TENM3: variants seen among roughly 807,000 people sequenced by gnomAD.
TENM3 encodes teneurin-3.
In TENM3, 63 loss-of-function variants were observed where a neutral mutation model predicts 255.1. That is an observed-to-expected ratio of 0.25 (90% CI 0.20 to 0.30). TENM3 has a LOEUF of 0.30. TENM3 is among the 10% of genes least tolerant of loss of function. The probability of loss-of-function intolerance (pLI) is 1.00; values close to 1 mark genes in which losing one functional copy is unlikely to be tolerated. For missense variants in TENM3, 2,929 were observed against 3,461.1 expected (o/e 0.85, Z 3.86); for synonymous variants, 1,306 against 1,322.3 (o/e 0.99, Z 0.27).
chr4:182,735,278 T>TTACTG (rs1224032751), intron 16 of TENM3, among the ~76,000 whole-genome samples: 7 of 152,200 alleles, frequency 4.6e-5, no homozygotes, highest in African/African-American at 1.2e-4. Context: ...GAAATGCCTC[T>TTACTG]TACTGTACTG....
At chr4:182,070,944 CT>C in the TENM3 span, among the ~76,000 whole-genome samples, 1 of 152,168 alleles carries the variant, frequency 6.6e-6, no homozygotes, top group Non-Finnish European at 1.5e-5. Context: ...CTTCCAAGGA[CT>C]TGAACTTCAG....
At chr4:181,753,402 G>T in the TENM3 span, among the ~76,000 whole-genome samples, 1 of 152,076 alleles carries the variant, frequency 6.6e-6, no homozygotes, top group African/African-American at 2.4e-5. Context: ...CTCAAAACAG[G>T]CAGGCAGCAG....
At chr4:182,711,465 T>G (rs1758742916) in intron 12 of TENM3, 2 of 227,082 alleles carry the variant, frequency 8.8e-6, no homozygotes, top group Non-Finnish European at 7.3e-6. Context: ...GATGTGAGTC[T>G]TATGTCAGCT....
At chr4:181,809,393 C>T in the TENM3 span, among the ~76,000 whole-genome samples, 5 of 152,126 alleles carry the variant, frequency 3.3e-5, no homozygotes, top group African/African-American at 1.2e-4. Context: ...TTTTTTAGAG[C>T]CAATAAGTGC....
chr4:182,727,455 C>CA (rs10522655), intron 13 of TENM3, among the ~76,000 whole-genome samples: 2 of 119,298 alleles, frequency 1.7e-5, no homozygotes, highest in East Asian at 2.4e-4. Context: ...GACTCAGTCT[C>CA]AAAAAAAAAG....
chr4:182,784,190 T>G (rs913513690), intron 24 of TENM3, among the ~76,000 whole-genome samples: 10 of 152,316 alleles, frequency 6.6e-5, no homozygotes, highest in Non-Finnish European at 1.3e-4. Context: ...TGGTTTTATC[T>G]ACTTTTGGTC....
chr4:181,858,206 C>G, the TENM3 span, among the ~76,000 whole-genome samples: 3 of 152,202 alleles, frequency 2.0e-5, no homozygotes, highest in Non-Finnish European at 4.4e-5. Context: ...CCCACCTCAG[C>G]CTCCTGAATT....
At chr4:181,847,738 G>A in the TENM3 span, among the ~76,000 whole-genome samples, 8 of 151,806 alleles carry the variant, frequency 5.3e-5, no homozygotes, top group South Asian at 2.1e-4. Context: ...ATGTGTGTAC[G>A]TACACATATG....
At chr4:182,667,889 G>A (rs1040139867) in intron 6 of TENM3, among the ~76,000 whole-genome samples, 2 of 151,808 alleles carry the variant, frequency 1.3e-5, no homozygotes, top group African/African-American at 4.9e-5. Context: ...TATGGCGCAT[G>A]TATACATATG....
chr4:182,383,588 T>C (rs563723228), intron 3 of TENM3, among the ~76,000 whole-genome samples: 114 of 152,240 alleles, frequency 7.5e-4, no homozygotes, highest in Admixed American at 1.4e-3. Flanking sequence ...GTGAATATAA[T>C]ACCCAATAGA....
At chr4:182,243,946 CTTTTTTTTTT>C (rs967487689) in intron 1 of TENM3, among the ~76,000 whole-genome samples, 14 of 72,882 alleles carry the variant, frequency 1.9e-4, no homozygotes, top group Non-Finnish European at 1.7e-4. Flanking sequence ...TTTGTGTTTT[CTTTTTTTTTT>C]TTTTTTTTTT....
rs1270452249 is a variant in TENM3 at position 182,800,551 on chromosome 4, A to AC, written c.*201dup. 8.3e-6 allele frequency: 5 copies of AC among 604,492 alleles called. No homozygotes were observed. In the Admixed American group the frequency reaches 1.7e-4, roughly 21 times the overall value. 37.4% of individuals were successfully genotyped at this position (604,492 alleles called of 1,614,324 possible). A position where few individuals can be genotyped will look rare whatever the true frequency, so the allele number is the denominator to read the frequency against. On this transcript the variant is annotated 3_prime_UTR_variant, in exon 28 of 28. Transcript: ENST00000511685. The stretch of plus-strand genomic sequence containing the variant: ...GTGATCGGCTTTAACGAATATGTTT[A>AC]CATATGCATAGCGCTGCACTCAGTC...
the TENM3 span, among the ~76,000 whole-genome samples, chr4:181,748,898 A>G: frequency 4.6e-5 from 7 of 152,106 alleles, no homozygotes. Context: ...CTAGAATATT[A>G]TAGAATAATT....
the TENM3 span, among the ~76,000 whole-genome samples, chr4:181,587,369 C>A: frequency 2.6e-5 from 4 of 152,162 alleles, no homozygotes. Context: ...TGAAGCCACT[C>A]CTATCCTGGA....
At chr4:182,602,096 C>A (rs1747943323) in intron 4 of TENM3, among the ~76,000 whole-genome samples, 1 of 152,250 alleles carries the variant, frequency 6.6e-6, no homozygotes, top group Admixed American at 6.5e-5. Flanking sequence ...CGCCTTCTTT[C>A]TTTGGACAGG....
intron 1 of TENM3, among the ~76,000 whole-genome samples, chr4:182,166,073 C>T (rs1020273487): frequency 5.3e-5 from 8 of 152,140 alleles, no homozygotes; most frequent in East Asian, 1.9e-4. Flanking sequence ...CCACCGCACC[C>T]GGCCTGTAAA....
chr4:182,346,065 A>ATG (rs1764778442), intron 2 of TENM3, among the ~76,000 whole-genome samples: 2 of 139,844 alleles, frequency 1.4e-5, no homozygotes, highest in African/African-American at 5.3e-5. Flanking sequence ...ACACACACAC[A>ATG]TATATACATA....
chr4:182,199,628 T>C (rs749998626), intron 1 of TENM3, among the ~76,000 whole-genome samples: 2 of 151,698 alleles, frequency 1.3e-5, no homozygotes, highest in Non-Finnish European at 2.9e-5. Context: ...TCAGGTTTTC[T>C]ACAGGTGTGA....
chr4:182,620,238 A>G (rs1369877036), intron 4 of TENM3, among the ~76,000 whole-genome samples: 1 of 152,226 alleles, frequency 6.6e-6, no homozygotes, highest in Non-Finnish European at 1.5e-5. Context: ...CTCTCCATAT[A>G]GCCGAATTTC....
Sources: allele counts gnomAD v4.1 joint callset (sites outside exome capture counted in the v4.1 genomes callset), GRCh38; gene constraint gnomAD v4.1.1; transcripts MANE v1.5; gene names NCBI Gene and HGNC (gene_info 2026-07-23, HGNC 2026-07-21).